THY1: variants seen among roughly 807,000 people sequenced by gnomAD.
THY1 encodes the protein thy-1 membrane glycoprotein.
A neutral mutation model predicts 14.9 loss-of-function variants in THY1; 10 were observed. The observed-to-expected ratio is 0.67, with a 90% CI of 0.41 to 1.14. The LOEUF (loss-of-function observed/expected upper bound fraction) is 1.14, where lower values mean the gene tolerates loss of function less well. Among genes scored for constraint, THY1 ranks in the 50% most tolerant of loss-of-function variants. The pLI is 0.00. For missense variants in THY1, 159 were observed against 202.1 expected (o/e 0.79, Z 1.29); for synonymous variants, 80 against 90.0 (o/e 0.89, Z 0.63).
rs1056433773 is a variant in THY1 at position 119,418,483 on chromosome 11, G to T, written c.*925C>A. The T allele has an allele frequency of 1.3e-5, 2 of 152,334 alleles. No individual in the cohort carries two copies. The highest frequency in any genetic ancestry group is 2.9e-5 in the Non-Finnish European group (2 of 68,168). 9.4% of individuals were successfully genotyped at this position (152,334 alleles called of 1,614,324 possible). On this transcript the variant is annotated 3_prime_UTR_variant, in exon 4 of 4. Coordinates refer to ENST00000284240, the MANE Select transcript of THY1 (RefSeq NM_006288.5). ...GAGGAAGTGCCTCCCTTAGAAACTT[G>T]GGCCAAACCCTGTGCAGCTCTGGGA...
Position 119,422,619 on chromosome 11 carries a change from C to T in THY1, c.-25+494G>A, listed in dbSNP as rs1161380638. On this transcript the variant is annotated intron_variant, in intron 1 of 3. Transcript: ENST00000284240. The surrounding 1 kb of genome is among the most constrained non-coding windows in gnomAD (Gnocchi z 7.0). ...CCAGCTCTCCCCTCCCCCGTCCGCC[C>T]GCCTTCCACCCAGTCCCCGCCTGCG... The T allele has an allele frequency of 1.5e-5, 3 of 200,756 alleles. No individual in the cohort carries two copies. The highest frequency in any genetic ancestry group is 2.1e-3 in the Middle Eastern group (1 of 480). 12.4% of individuals were successfully genotyped at this position (200,756 alleles called of 1,614,324 possible). A position where few individuals can be genotyped will look rare whatever the true frequency, so the allele number is the denominator to read the frequency against.
upstream of THY1, chr11:119,423,383 GGCC>G (rs1861953632): frequency 8.3e-6 from 3 of 360,422 alleles, no homozygotes; most frequent in African/African-American, 2.1e-5. Context: ...TGGCAGGCCT[GGCC>G]AGGGACGGGA....
chr11:119,420,732 G>T, intron 2 of THY1, 137 bp downstream of exon 2: 1 of 1,084,388 alleles, frequency 9.2e-7, no homozygotes, highest in Non-Finnish European at 1.4e-6. Context: ...CAGCGCGGTG[G>T]ATTGGCTGAC....
chr11:119,420,976 C>G (rs1861888680), intron 1 of THY1, 47 bp from the exon 2 acceptor site: 3 of 1,599,618 alleles, frequency 1.9e-6, no homozygotes, highest in Admixed American at 1.7e-5. Flanking sequence ...GCCACACTTA[C>G]CACCAGGGCT....
In THY1 at chr11:119,420,335, A is replaced by G. The variant is rs775386918; in HGVS notation, c.89T>C (p.Val30Ala). ...QKVTSLTACL[V>A]DQSLRLDCRH... is the part of the protein sequence containing the mutation. ...GCAGTCCAGACGAAGGCTCTGGTCCACTAGGCAGGCCGTTAGGCTGGTCAC... is the reference window on the plus strand; with the variant it reads ...GCAGTCCAGACGAAGGCTCTGGTCCGCTAGGCAGGCCGTTAGGCTGGTCAC... Residue 30 changes from valine (V) to alanine (A), a missense_variant, in exon 3 of 4, where the codon GTG (valine) becomes GCG (alanine). Physicochemically the swap from Val to Ala is moderately conservative, Grantham distance 64. Transcript: ENST00000284240. The G allele has an allele frequency of 3.7e-6, 6 of 1,614,024 alleles. No individual in the cohort carries two copies. In the African/African-American group the frequency reaches 5.3e-5, roughly 14 times the overall value.
chr11:119,423,406 AC>A (rs1487657665), upstream of THY1: 33 of 353,716 alleles, frequency 9.3e-5, no homozygotes, highest in East Asian at 2.1e-3. Context: ...AGGGTTCGGG[AC>A]CCCGGGGATC....
intron 2 of THY1, 142 bp downstream of exon 2, chr11:119,420,727 C>G (rs180814479): frequency 1.9e-6 from 2 of 1,025,838 alleles, no homozygotes; most frequent in African/African-American, 3.2e-5. Flanking sequence ...AATATCAGCG[C>G]GGTGGATTGG....
rs974341286 is a variant in THY1 at position 119,415,939 on chromosome 11, G to A, written c.*3469C>T. ...TGGGTTTGTTTGTTTCACATGTAAA[G>A]ACACCTTCACAGCACGAAAGCTGCA... is the stretch of plus-strand genomic sequence containing the variant. On this transcript the variant is annotated 3_prime_UTR_variant, in exon 4 of 4. Transcript: ENST00000284240. Among the ~76,000 whole-genome samples the A allele has an allele frequency of 6.6e-6, 1 of 152,196 alleles. No homozygotes were observed. Among genetic ancestry groups the A allele is most frequent in the African/African-American group, 2.4e-5 (1 of 41,446 alleles).
Position 119,418,972 on chromosome 11 carries a change from G to A in THY1, c.*436C>T. Reference sequence around the variant, plus strand: ...ACAGACCATGTCCGTGCTAGGCCCAGGCACAGCCCAACCACTCCTCATCCA... The same window carrying A: ...ACAGACCATGTCCGTGCTAGGCCCAAGCACAGCCCAACCACTCCTCATCCA... On this transcript the variant is annotated 3_prime_UTR_variant, in exon 4 of 4. Transcript: ENST00000284240. 1 of 307,156 alleles carries A rather than the reference G, an allele frequency of 3.3e-6. No homozygotes were observed. Among genetic ancestry groups the A allele is most frequent in the Non-Finnish European group, 6.4e-6 (1 of 156,584 alleles). 19.0% of individuals were successfully genotyped at this position (307,156 alleles called of 1,614,324 possible). A position where few individuals can be genotyped will look rare whatever the true frequency, so the allele number is the denominator to read the frequency against.
At position 119,415,788 on chromosome 11, in the gene THY1, G is replaced by A. The variant is rs1413048164; in HGVS notation, c.*3620C>T. On this transcript the variant is annotated 3_prime_UTR_variant, in exon 4 of 4. Coordinates refer to ENST00000284240, the MANE Select transcript of THY1 (RefSeq NM_006288.5). ...TTGGGGACATTCCAGGCCTGAGAGT[G>A]TCCTGAGGCTGAGAGCCCCTGTTGA... Among the ~76,000 whole-genome samples, 3 of 152,314 alleles carry A rather than the reference G, an allele frequency of 2.0e-5. No homozygotes were observed. The highest frequency in any genetic ancestry group is 2.1e-4 in the South Asian group (1 of 4,822).
Position 119,419,510 on chromosome 11 carries a change from G to C in THY1, c.384C>G (p.Val128=), listed in dbSNP as rs747456504. Residue 128 remains valine (V), a synonymous_variant, in exon 4 of 4, where the codon GTC becomes GTG. Coordinates refer to ENST00000284240, the MANE Select transcript of THY1 (RefSeq NM_006288.5). ...CCAGCAGGCTGATGCCCTCACACTTGACCAGTTTGTCTGCAGAAAGAGAAG... is the reference window on the plus strand; with the variant it reads ...CCAGCAGGCTGATGCCCTCACACTTCACCAGTTTGTCTGCAGAAAGAGAAG... ...QNVTVLRDKL[V]KCEGISLLAQ... The C allele has an allele frequency of 6.2e-7, 1 of 1,613,034 alleles. No homozygotes were observed. Among genetic ancestry groups the C allele is most frequent in the South Asian group, 1.1e-5 (1 of 90,992 alleles).
In THY1 at chr11:119,419,503, C is replaced by T; in HGVS notation, c.391G>A (p.Glu131Lys). 8 of 1,613,182 alleles carry T rather than the reference C, an allele frequency of 5.0e-6. No homozygotes were observed. The highest frequency in any genetic ancestry group is 6.8e-6 in the Non-Finnish European group (8 of 1,179,988). Residue 131 changes from glutamate to lysine, a missense_variant, in exon 4 of 4, where the codon GAG becomes AAG. Transcript: ENST00000284240. ...TVLRDKLVKCEGISLLAQNTS... is the reference protein window; with the variant it reads ...TVLRDKLVKCKGISLLAQNTS... Reference sequence around the variant, plus strand: ...TTCTGAGCCAGCAGGCTGATGCCCTCACACTTGACCAGTTTGTCTGCAGAA... The same window carrying T: ...TTCTGAGCCAGCAGGCTGATGCCCTTACACTTGACCAGTTTGTCTGCAGAA...
chr11:119,416,561 G>A lies in THY1; in HGVS notation c.*2847C>T, dbSNP rs11605591. Among the ~76,000 whole-genome samples, 3 of 152,106 alleles carry A rather than the reference G, an allele frequency of 2.0e-5. No homozygotes were observed. Among genetic ancestry groups the A allele is most frequent in the African/African-American group, 4.8e-5 (2 of 41,442 alleles). On this transcript the variant is annotated 3_prime_UTR_variant, in exon 4 of 4. Coordinates refer to ENST00000284240, the MANE Select transcript of THY1 (RefSeq NM_006288.5). ...GCAATCTTGGCTCACTGCAACCTCC[G>A]CCTCCCGGGTTCAAGTGATTCTCCT...
At position 119,415,959 on chromosome 11, in the gene THY1, G is replaced by A. The variant is rs930144605; in HGVS notation, c.*3449C>T. Among the ~76,000 whole-genome samples, 8 of 152,210 alleles carry A rather than the reference G, an allele frequency of 5.3e-5. No individual in the cohort carries two copies. The highest frequency in any genetic ancestry group is 1.9e-4 in the African/African-American group (8 of 41,450). On this transcript the variant is annotated 3_prime_UTR_variant, in exon 4 of 4. Coordinates refer to ENST00000284240, the MANE Select transcript of THY1 (RefSeq NM_006288.5). ...GTAAAGACACCTTCACAGCACGAAA[G>A]CTGCAGATTCAGAGAGGGACATCAG...
chr11:119,419,847 A>C (rs1043169443), intron 3 of THY1: 47 of 656,090 alleles, frequency 7.2e-5, no homozygotes, highest in Non-Finnish European at 1.2e-4. Flanking sequence ...TTCTGGTGGA[A>C]CCACACTGCT....
intron 2 of THY1, 176 bp downstream of exon 2, chr11:119,420,693 T>C (rs3138093): frequency 0.29 from 245,672 of 852,476 alleles, 36,883 homozygotes; most frequent in African/African-American, 0.39. Flanking sequence ...AACTGTGTTT[T>C]CAAAAACCAC....
Position 119,420,360 on chromosome 11 carries a change from CCTT to C in THY1, c.61_63del (p.Lys21del). 6.2e-7 allele frequency: 1 copy of C among 1,613,454 alleles called. No homozygotes were observed. Among genetic ancestry groups the C allele is most frequent in the Non-Finnish European group, 8.5e-7 (1 of 1,179,846 alleles). ...ACTAGGCAGGCCGTTAGGCTGGTCA[CCTT>C]CTGCCCTCGGGAGACCTGCAAGACT... On this transcript the variant is annotated inframe_deletion, in exon 3 of 4. Transcript: ENST00000284240.
Position 119,415,816 on chromosome 11 carries a change from A to G in THY1, c.*3592T>C, listed in dbSNP as rs562138521. ...CTGAGGCTGAGAGCCCCTGTTGAGC[A>G]GAAGAGAGCTGATGGCCCTCTTGCC... On this transcript the variant is annotated 3_prime_UTR_variant, in exon 4 of 4. Transcript: ENST00000284240. Among the ~76,000 whole-genome samples, 1 of 152,228 alleles carries G rather than the reference A, an allele frequency of 6.6e-6. No individual in the cohort carries two copies. The highest frequency in any genetic ancestry group is 1.5e-5 in the Non-Finnish European group (1 of 68,040).
intron 3 of THY1, 83 bp downstream of exon 3, chr11:119,419,968 C>T: frequency 1.4e-6 from 2 of 1,420,876 alleles, no homozygotes; most frequent in South Asian, 1.4e-5. Context: ...CTATTCTCCT[C>T]TCTAGTCCAG....
Sources: allele counts gnomAD v4.1 joint callset (sites outside exome capture counted in the v4.1 genomes callset), GRCh38; gene constraint gnomAD v4.1.1; non-coding constraint Gnocchi (gnomAD v3.1); transcripts MANE v1.5; gene names NCBI Gene and HGNC (gene_info 2026-07-23, HGNC 2026-07-21).